ASPG: variants seen among roughly 807,000 people sequenced by gnomAD.
ASPG encodes asparaginase.
ASPG carries 53 observed loss-of-function variants against 63.2 expected under a neutral mutation model. The ratio of observed to expected loss-of-function variants is 0.84; its 90% CI spans 0.67 to 1.05. The LOEUF is 1.05. Ranked by LOEUF, ASPG falls within the 50% of genes least tolerant of loss-of-function variation. The pLI, the probability that ASPG is intolerant of heterozygous loss-of-function variation, is 0.00. For missense variants in ASPG, 741 were observed against 794.4 expected, an observed-to-expected ratio of 0.93 and a Z score of 0.81; for synonymous variants, 370 against 355.0, an observed-to-expected ratio of 1.04 and a Z score of -0.48.
At chr14:104,095,040 T>G (rs1164114735) in intron 3 of ASPG, among the ~76,000 whole-genome samples, 1 of 152,146 alleles carries the variant, frequency 6.6e-6, no homozygotes, top group Non-Finnish European at 1.5e-5. Flanking sequence ...CTGCTGCCCT[T>G]CGGTGTCCTG....
In ASPG at chr14:104,110,708, C is replaced by A; in HGVS notation, c.1521-794C>A. On this transcript the variant is annotated intron_variant, in intron 13 of 15. Coordinates refer to ENST00000551177, the MANE Select transcript of ASPG (RefSeq NM_001080464.3). The surrounding 1 kb of genome is among the most constrained non-coding windows in gnomAD (Gnocchi z 4.7). ...TGGGTAGGCGCAGAGTCCCTAAGGG[C>A]CCTCCAGAGGAGGGGGCAGCCCCTT... The A allele has an allele frequency of 1.0e-6, 1 of 985,326 alleles. No individual in the cohort carries two copies. Among genetic ancestry groups the A allele is most frequent in the Non-Finnish European group, 1.2e-6 (1 of 829,864 alleles). 61.0% of individuals were successfully genotyped at this position (985,326 alleles called of 1,614,324 possible). A position where few individuals can be genotyped will look rare whatever the true frequency, so the allele number is the denominator to read the frequency against.
At chr14:104,103,469 G>A (rs925376977) in intron 6 of ASPG, 94 bp from the exon 7 acceptor site, 36 of 1,088,916 alleles carry the variant, frequency 3.3e-5, no homozygotes, top group Non-Finnish European at 4.6e-5. Context: ...GAAAACAAGG[G>A]AGGAGGCGGC....
chr14:104,099,328 G>A (rs1043886122), intron 6 of ASPG, among the ~76,000 whole-genome samples: 2 of 152,208 alleles, frequency 1.3e-5, no homozygotes, highest in South Asian at 2.1e-4. Flanking sequence ...TCTGTGTGCC[G>A]TAGCCTCGTC....
intron 1 of ASPG, among the ~76,000 whole-genome samples, chr14:104,092,239 C>T (rs1429394943): frequency 1.3e-5 from 2 of 152,178 alleles, no homozygotes; most frequent in African/African-American, 4.8e-5. Flanking sequence ...GCAGGACTTC[C>T]AGGCAGAGCC....
rs201243942 is a variant in ASPG, at chr14:104,093,541, C to T, written c.242C>T (p.Pro81Leu). The T allele has an allele frequency of 2.3e-4, 370 of 1,612,836 alleles. 1 individual carries two copies. In the African/African-American group the frequency reaches 4.5e-3, roughly 19 times the overall value. Reference protein sequence around the residue: ...RILYTVLECQPLFDSSDMTIA... With the variant: ...RILYTVLECQLLFDSSDMTIA... ...CTCTACACCGTGCTGGAGTGCCAGC[C>T]CCTCTTCGACTCCAGTGACATGACC... Residue 81 changes from proline to leucine, a missense_variant, in exon 3 of 16, where the codon CCC becomes CTC. Pro to Leu is a moderately conservative substitution (Grantham distance 98). Transcript: ENST00000551177.
chr14:104,103,377 G>A (rs969041483), intron 6 of ASPG, among the ~76,000 whole-genome samples, 186 bp from the exon 7 acceptor site: 1 of 152,252 alleles, frequency 6.6e-6, no homozygotes, highest in Non-Finnish European at 1.5e-5. Flanking sequence ...GGCACAGGCC[G>A]GACTGCGCGG....
intron 1 of ASPG, among the ~76,000 whole-genome samples, chr14:104,087,054 C>A (rs571177464): frequency 1.1e-4 from 17 of 152,050 alleles, no homozygotes; most frequent in African/African-American, 4.1e-4. Context: ...AAGCCACCAG[C>A]ACTCTGTCGG....
chr14:104,097,655 G>T lies in ASPG; in HGVS notation c.513+18G>T, dbSNP rs528837710. On this transcript the variant is annotated intron_variant, in intron 5 of 15. Transcript: ENST00000551177. ...TCCCAGAGGTACCTGCCTGGTGCACGTGGAGGCGGGGCAGGTGGGGTGGGG... is the reference window on the plus strand; with the variant it reads ...TCCCAGAGGTACCTGCCTGGTGCACTTGGAGGCGGGGCAGGTGGGGTGGGG... 1.2e-4 allele frequency: 189 copies of T among 1,554,190 alleles called. 1 individual carries two copies. In the East Asian group the frequency reaches 3.8e-3, roughly 31 times the overall value.
chr14:104,106,836 T>A lies in ASPG; in HGVS notation c.1211T>A (p.Leu404Gln). 6.2e-7 allele frequency: 1 copy of A among 1,601,664 alleles called. No homozygotes were observed. The highest frequency in any genetic ancestry group is 8.5e-7 in the Non-Finnish European group (1 of 1,175,698). Reference protein sequence around the residue: ...DALRNALVPSLACAAAHAGDV... With the variant: ...DALRNALVPSQACAAAHAGDV... ...CTGCGGAATGCCCTGGTGCCCAGCC[T>A]GGCCTGTGCTGCTGCCCACGCCGGT... Residue 404 changes from leucine (L) to glutamine (Q), a missense_variant, in exon 11 of 16, where the codon CTG becomes CAG. Coordinates refer to ENST00000551177, the MANE Select transcript of ASPG (RefSeq NM_001080464.3).
chr14:104,088,221 A>C (rs1315272194), intron 1 of ASPG, among the ~76,000 whole-genome samples: 5 of 152,108 alleles, frequency 3.3e-5, no homozygotes, highest in Admixed American at 2.6e-4. Context: ...GCCCTAGTAA[A>C]GCTGTTTGAT....
rs544432759 is a variant in ASPG, at chr14:104,089,241, G to A, written c.82+3389G>A. Among the ~76,000 whole-genome samples, 23 of 152,258 alleles carry A rather than the reference G, an allele frequency of 1.5e-4. No individual in the cohort carries two copies. The South Asian group carries it at 4.4e-3, about 29-fold the overall frequency. On this transcript the variant is annotated intron_variant, in intron 1 of 15. Transcript: ENST00000551177. ...GAAATTGCCCCAGCTGACTGGGCGC[G>A]GTGGCTCACACCTGTAATCCCAGCA...
rs1189068401 is a variant in ASPG at position 104,091,184 on chromosome 14, G to C, written c.83-1449G>C. ...CCGGCCCTGGGATGCGGACATCTAG[G>C]ATGCTTTTTCAACCCACCATACATG... On this transcript the variant is annotated intron_variant, in intron 1 of 15. Coordinates refer to ENST00000551177, the MANE Select transcript of ASPG (RefSeq NM_001080464.3). The surrounding 1 kb of genome is among the most constrained non-coding windows in gnomAD (Gnocchi z 6.4). Among the ~76,000 whole-genome samples the C allele has an allele frequency of 6.6e-6, 1 of 151,612 alleles. No homozygotes were observed. Among genetic ancestry groups the C allele is most frequent in the Non-Finnish European group, 1.5e-5 (1 of 67,934 alleles).
chr14:104,101,592 C>G (rs2036879099), intron 6 of ASPG, among the ~76,000 whole-genome samples: 1 of 152,210 alleles, frequency 6.6e-6, no homozygotes, highest in South Asian at 2.1e-4. Context: ...GTGCTGAGCC[C>G]TGACCCCGGC....
At chr14:104,102,256 C>T (rs1294565688) in intron 6 of ASPG, among the ~76,000 whole-genome samples, 1 of 152,094 alleles carries the variant, frequency 6.6e-6, no homozygotes, top group Non-Finnish European at 1.5e-5. Context: ...GTGGAAGACT[C>T]ACTGCTGGGG....
intron 3 of ASPG, among the ~76,000 whole-genome samples, chr14:104,094,679 G>A (rs1423319615): frequency 6.6e-6 from 1 of 152,198 alleles, no homozygotes; most frequent in Non-Finnish European, 1.5e-5. Context: ...ATTTGTAGCC[G>A]GCAGCCCTCA....
At position 104,104,417 on chromosome 14, in the gene ASPG, C is replaced by A; in HGVS notation, c.867C>A (p.Arg289=). 6.2e-7 allele frequency: 1 copy of A among 1,612,604 alleles called. No homozygotes were observed. Among genetic ancestry groups the A allele is most frequent in the Non-Finnish European group, 8.5e-7 (1 of 1,179,810 alleles). ...LLQELRVATE[R]GLVIVNCTHC... is the part of the protein sequence containing the mutation. ...AGGAGCTGCGGGTGGCCACCGAGCG[C>A]GGCCTGGTCATCGTCAACTGTACCC... The change falls in exon 8 of 16, where the codon CGC becomes CGA. Residue 289 remains arginine (R), a synonymous_variant. Coordinates refer to ENST00000551177, the MANE Select transcript of ASPG (RefSeq NM_001080464.3).
At position 104,110,514 on chromosome 14, in the gene ASPG, C is replaced by A. The variant is rs2037339542; in HGVS notation, c.1521-988C>A. 1.0e-6 allele frequency: 1 copy of A among 985,178 alleles called. No individual in the cohort carries two copies. Among genetic ancestry groups the A allele is most frequent in the African/African-American group, 1.7e-5 (1 of 57,192 alleles). The allele number at this position is 985,178 out of a possible 1,614,324, so 61.0% of individuals were successfully genotyped here. On this transcript the variant is annotated intron_variant, in intron 13 of 15. Transcript: ENST00000551177. The surrounding 1 kb of genome is among the most constrained non-coding windows in gnomAD (Gnocchi z 4.7). Reference sequence around the variant, plus strand: ...AGGACTCTGCTTGGAAGTGGCCTGGCCAGCCTGAGCTGCTGGCTGGACTTG... The same window carrying A: ...AGGACTCTGCTTGGAAGTGGCCTGGACAGCCTGAGCTGCTGGCTGGACTTG...
intron 10 of ASPG, 45 bp downstream of exon 10, chr14:104,105,495 C>T (rs1295360869): frequency 3.3e-6 from 5 of 1,500,632 alleles, no homozygotes; most frequent in Admixed American, 2.2e-5. Context: ...GGGGACTGTG[C>T]ACCCTCTTGG....
rs1223701301 is a variant in ASPG, at chr14:104,113,681, C to T, written c.*1137C>T. On this transcript the variant is annotated 3_prime_UTR_variant, in exon 16 of 16. Transcript: ENST00000551177. ...TGACCCCAGAGCTGGCCCTTGGCAC[C>T]TGGGCATACCCCAGGCTCCTCAGCC... 2.0e-5 allele frequency: 3 copies of T among 152,310 alleles called. No homozygotes were observed. Among genetic ancestry groups the T allele is most frequent in the Non-Finnish European group, 2.9e-5 (2 of 68,084 alleles). 9.4% of individuals were successfully genotyped at this position (152,310 alleles called of 1,614,324 possible). A position where few individuals can be genotyped will look rare whatever the true frequency, so the allele number is the denominator to read the frequency against.
Sources: allele counts gnomAD v4.1 joint callset (sites outside exome capture counted in the v4.1 genomes callset), GRCh38; gene constraint gnomAD v4.1.1; non-coding constraint Gnocchi (gnomAD v3.1); transcripts MANE v1.5; gene names NCBI Gene and HGNC (gene_info 2026-07-23, HGNC 2026-07-21).